The following HP1BP3 variants were observed in gnomAD, a reference collection of about 807,000 sequenced individuals.
HP1BP3 encodes heterochromatin protein 1-binding protein 3.
Under a neutral mutation model 62.5 loss-of-function variants are expected in HP1BP3, and 12 were observed. That is an observed-to-expected ratio of 0.19 (90% CI 0.12 to 0.31). The LOEUF (loss-of-function observed/expected upper bound fraction) is 0.31. Ranked by LOEUF, HP1BP3 falls within the 10% of genes least tolerant of loss-of-function variation. The pLI is 1.00. For synonymous variants in HP1BP3, 260 were observed against 237.8 expected (o/e 1.09, Z -0.86); for missense variants, 502 against 651.8 (o/e 0.77, Z 2.50).
rs1160496022 is a variant in HP1BP3 at position 20,741,514 on chromosome 1, C to G, written c.*3283G>C. Among the ~76,000 whole-genome samples the G allele has an allele frequency of 2.0e-5, 3 of 152,212 alleles. No homozygotes were observed. The highest frequency in any genetic ancestry group is 4.4e-5 in the Non-Finnish European group (3 of 68,036). On this transcript the variant is annotated 3_prime_UTR_variant, in exon 13 of 13. Transcript: ENST00000438032. ...CCAAAAGACATGATTAAAACATACACCTGTTTCCTAAGATTTATACAGGAC... is the reference window on the plus strand; with the variant it reads ...CCAAAAGACATGATTAAAACATACAGCTGTTTCCTAAGATTTATACAGGAC...
chr1:20,784,557 C>A (rs1479304417), intron 1 of HP1BP3, among the ~76,000 whole-genome samples: 1 of 148,254 alleles, frequency 6.7e-6, no homozygotes, highest in African/African-American at 2.5e-5. Flanking sequence ...CGGCTCACTG[C>A]AACCTCCCCT....
chr1:20,752,537 G>A (rs554329348), intron 9 of HP1BP3, among the ~76,000 whole-genome samples: 18 of 152,018 alleles, frequency 1.2e-4, no homozygotes, highest in Non-Finnish European at 2.4e-4. Context: ...TAAACCACCC[G>A]CCTCAGCATC....
intron 12 of HP1BP3, 30 bp downstream of exon 12, chr1:20,745,513 T>C: frequency 6.2e-7 from 1 of 1,608,720 alleles, no homozygotes; most frequent in Non-Finnish European, 8.5e-7. Flanking sequence ...TTTAGTGTCC[T>C]CCCCACAAGG....
intron 6 of HP1BP3, among the ~76,000 whole-genome samples, chr1:20,769,093 TTTTG>T (rs1232368858): frequency 6.6e-6 from 1 of 152,072 alleles, no homozygotes; most frequent in Non-Finnish European, 1.5e-5. Context: ...TCAACGATAA[TTTTG>T]TTTTATTTTA....
chr1:20,784,476 CTTTTTTTTTTTT>C (rs368306686), intron 1 of HP1BP3, among the ~76,000 whole-genome samples: 1 of 124,548 alleles, frequency 8.0e-6, no homozygotes, highest in South Asian at 2.6e-4. Flanking sequence ...TGTGTTTTCC[CTTTTTTTTTTTT>C]TTTTTTTTGA....
At chr1:20,767,766 T>C (rs895545813) in intron 6 of HP1BP3, 102 bp from the exon 7 acceptor site, 5 of 697,142 alleles carry the variant, frequency 7.2e-6, no homozygotes, top group Middle Eastern at 3.7e-4. Context: ...AAGTGGTGTT[T>C]ACTTCTTCAG....
intron 8 of HP1BP3, among the ~76,000 whole-genome samples, chr1:20,760,910 G>A (rs1385995344): frequency 1.3e-5 from 2 of 152,142 alleles, no homozygotes; most frequent in African/African-American, 2.4e-5. Context: ...CACTATGATG[G>A]TAAGAACATA....
At chr1:20,764,585 A>T (rs534030090) in intron 8 of HP1BP3, among the ~76,000 whole-genome samples, 1 of 150,654 alleles carries the variant, frequency 6.6e-6, no homozygotes, top group African/African-American at 2.4e-5. Context: ...AAGATATTTC[A>T]TATCTGAGAA....
Position 20,746,887 on chromosome 1 carries a change from G to A in HP1BP3, c.1253+657C>T, listed in dbSNP as rs148409310. ...AAAAATTAGCTGGGTGTGGTGGCGC[G>A]CACCTGTAGTCCCAGCTACGTGGGA... is the stretch of plus-strand genomic sequence containing the variant. On this transcript the variant is annotated intron_variant, in intron 11 of 12. Transcript: ENST00000438032. Among the ~76,000 whole-genome samples, 1,460 of 152,196 alleles carry A rather than the reference G, an allele frequency of 9.6e-3. 21 individuals are homozygous for A. Among genetic ancestry groups the A allele is most frequent in the Non-Finnish European group, 0.016 (1,064 of 68,010 alleles).
Position 20,740,708 on chromosome 1 carries a change from T to C in HP1BP3, c.*4089A>G, listed in dbSNP as rs771541125. ...TTAGCTTGCCTGTAGTCCTGGCTACTTGGGAGGCTGAGGTGGGGAGAACTG... is the reference window on the plus strand; with the variant it reads ...TTAGCTTGCCTGTAGTCCTGGCTACCTGGGAGGCTGAGGTGGGGAGAACTG... On this transcript the variant is annotated 3_prime_UTR_variant, in exon 13 of 13. Transcript: ENST00000438032. Among the ~76,000 whole-genome samples the C allele has an allele frequency of 2.0e-5, 3 of 152,128 alleles. No individual in the cohort carries two copies. The highest frequency in any genetic ancestry group is 7.2e-5 in the African/African-American group (3 of 41,426).
intron 9 of HP1BP3, chr1:20,750,347 A>G (rs1381486641): frequency 3.0e-5 from 2 of 66,076 alleles, no homozygotes. Context: ...ACACACACAC[A>G]CACACACACA....
intron 8 of HP1BP3, among the ~76,000 whole-genome samples, chr1:20,762,783 G>T (rs2056559315): frequency 6.6e-6 from 1 of 152,012 alleles, no homozygotes; most frequent in Admixed American, 6.6e-5. Flanking sequence ...AAACCAAGCT[G>T]TGCCCAGACC....
At chr1:20,750,812 C>CT (rs2055689520) in intron 9 of HP1BP3, among the ~76,000 whole-genome samples, 1 of 112,476 alleles carries the variant, frequency 8.9e-6, no homozygotes, top group Non-Finnish European at 1.8e-5. Context: ...AATATATTTT[C>CT]TCTCTTTTTT....
chr1:20,744,555 C>G lies in HP1BP3; in HGVS notation c.*242G>C, dbSNP rs903039271. 8.9e-6 allele frequency: 4 copies of G among 447,938 alleles called. No individual in the cohort carries two copies. The highest frequency in any genetic ancestry group is 1.6e-5 in the Non-Finnish European group (4 of 254,088). The allele number at this position is 447,938 out of a possible 1,614,324, so 27.7% of individuals were successfully genotyped here. A position where few individuals can be genotyped will look rare whatever the true frequency, so the allele number is the denominator to read the frequency against. Reference sequence around the variant, plus strand: ...AGAGAAAAAGGACAAGTATACATTACATAGTTTAGGAAAGTCCAGGATTAT... The same window carrying G: ...AGAGAAAAAGGACAAGTATACATTAGATAGTTTAGGAAAGTCCAGGATTAT... On this transcript the variant is annotated 3_prime_UTR_variant, in exon 13 of 13. Coordinates refer to ENST00000438032, the MANE Select transcript of HP1BP3 (RefSeq NM_001372052.1).
chr1:20,742,388 T>C lies in HP1BP3; in HGVS notation c.*2409A>G, dbSNP rs1415485938. Among the ~76,000 whole-genome samples the C allele has an allele frequency of 6.6e-6, 1 of 152,218 alleles. No individual in the cohort carries two copies. The highest frequency in any genetic ancestry group is 1.5e-5 in the Non-Finnish European group (1 of 68,026). On this transcript the variant is annotated 3_prime_UTR_variant, in exon 13 of 13. Transcript: ENST00000438032. ...CTAGTCCAAGGACTTATCTGAATAT[T>C]GAACATTTATTGAACATGATTGTAC... is the stretch of plus-strand genomic sequence containing the variant.
Position 20,745,090 on chromosome 1 carries a change from A to G in HP1BP3, c.1369T>C (p.Leu457=). The change falls in exon 13 of 13, where the codon TTG becomes CTG. Residue 457 remains leucine, a splice_region_variant and synonymous_variant. Transcript: ENST00000438032. ...GACTTGGCTGGGGTTTTCTTCTGCA[A>G]CCTGTGAGAACCAAAGAGCAAAGGC... ...EDEEPPPKRR[L]QKKTPAKSPG... is the part of the protein sequence containing the mutation. 3 of 1,601,778 alleles carry G rather than the reference A, an allele frequency of 1.9e-6. No homozygotes were observed. The highest frequency in any genetic ancestry group is 2.6e-6 in the Non-Finnish European group (3 of 1,176,024).
chr1:20,747,396 G>A (rs539524191), intron 11 of HP1BP3, 148 bp downstream of exon 11: 8 of 569,740 alleles, frequency 1.4e-5, no homozygotes, highest in Admixed American at 7.2e-5. Flanking sequence ...TTGGGTATGC[G>A]GGCAGTTCTG....
intron 11 of HP1BP3, among the ~76,000 whole-genome samples, 162 bp downstream of exon 11, chr1:20,747,382 G>T (rs181705436): frequency 4.6e-5 from 7 of 152,188 alleles, no homozygotes; most frequent in African/African-American, 1.7e-4. Flanking sequence ...GAGTACATGC[G>T]CATTTGGGTA....
rs1045019938 is a variant in HP1BP3, at chr1:20,744,851, T to C, written c.1608A>G (p.Lys536=). 1 of 1,613,904 alleles carries C rather than the reference T, an allele frequency of 6.2e-7. No individual in the cohort carries two copies. Among genetic ancestry groups the C allele is most frequent in the Admixed American group, 1.7e-5 (1 of 59,986 alleles). The change falls in exon 13 of 13, where the codon AAA becomes AAG. Residue 536 remains lysine, a synonymous_variant. Transcript: ENST00000438032. ...TGGTGGATTTGCCCTTGCCCGGCAA[T>C]TTTACTTCCTTTCTTGCACTGGTTG... ...KPATSARKEV[K]LPGKGKSTMK...
Sources: gnomAD v4.1 joint callset for allele counts (sites outside exome capture counted in the v4.1 genomes callset) on GRCh38, gnomAD v4.1.1 for gene constraint, MANE v1.5 for transcripts, NCBI Gene and HGNC (gene_info 2026-07-23, HGNC 2026-07-21) for gene names.